Variants in SPHKAP observed in about 807,000 individuals in gnomAD.
The protein encoded by SPHKAP is SPHK1 interactor, AKAP domain containing.
A neutral mutation model predicts 137.5 loss-of-function variants in SPHKAP; 67 were observed. The ratio of observed to expected loss-of-function variants is 0.49; its 90% CI spans 0.40 to 0.60. The LOEUF (loss-of-function observed/expected upper bound fraction) is 0.60, where lower values mean the gene tolerates loss of function less well. Ranked by LOEUF, SPHKAP falls within the 20% of genes least tolerant of loss-of-function variation. SPHKAP has a pLI of 0.00. For synonymous variants in SPHKAP, 813 were observed against 785.3 expected (o/e 1.04, Z -0.59); for missense variants, 2,097 against 2,069.3 (o/e 1.01, Z -0.26).
intron 3 of SPHKAP, among the ~76,000 whole-genome samples, chr2:228,072,314 C>A (rs113865081): frequency 9.8e-4 from 149 of 152,226 alleles, no homozygotes; most frequent in Middle Eastern, 6.8e-3. Flanking sequence ...CTATAATTGT[C>A]TACTATAAGT....
chr2:228,092,593 T>G (rs1367569982), intron 3 of SPHKAP, among the ~76,000 whole-genome samples: 1 of 145,546 alleles, frequency 6.9e-6, no homozygotes, highest in Non-Finnish European at 1.5e-5. Flanking sequence ...TATGTGTATA[T>G]ATGTATATAC....
intron 3 of SPHKAP, among the ~76,000 whole-genome samples, chr2:228,103,665 C>T (rs1314636107): frequency 2.6e-5 from 4 of 152,158 alleles, no homozygotes; most frequent in East Asian, 1.9e-4. Flanking sequence ...CAGCCGAATA[C>T]AGGACCTTTA....
chr2:228,047,698 A>G lies in SPHKAP; in HGVS notation c.247-20155T>C, dbSNP rs552707938. Reference sequence around the variant, plus strand: ...GCAGAGCTAGGTGTGGTATGCAGTGATGAGATGAACGAGATGGTCATGGTT... The same window carrying G: ...GCAGAGCTAGGTGTGGTATGCAGTGGTGAGATGAACGAGATGGTCATGGTT... On this transcript the variant is annotated intron_variant, in intron 3 of 11. Transcript: ENST00000392056. 1.5e-3 allele frequency among the ~76,000 whole-genome samples: 222 copies of G among 152,316 alleles called. 1 individual carries two copies. Among genetic ancestry groups the G allele is most frequent in the South Asian group, 3.9e-3 (19 of 4,832 alleles).
intron 5 of SPHKAP, among the ~76,000 whole-genome samples, chr2:228,023,004 G>A (rs1694897821): frequency 6.6e-6 from 1 of 152,166 alleles, no homozygotes; most frequent in Non-Finnish European, 1.5e-5. Flanking sequence ...ACCAGCGTAT[G>A]GGAAAAACAG....
chr2:228,122,849 C>T (rs1396774959), intron 2 of SPHKAP, among the ~76,000 whole-genome samples: 1 of 152,166 alleles, frequency 6.6e-6, no homozygotes, highest in Non-Finnish European at 1.5e-5. Context: ...GTGGCTGGCT[C>T]TGTAGATGCA....
At chr2:228,060,586 AACAAGGG>A in intron 3 of SPHKAP, among the ~76,000 whole-genome samples, 1 of 152,222 alleles carries the variant, frequency 6.6e-6, no homozygotes, top group Non-Finnish European at 1.5e-5. Flanking sequence ...TCTGTAGCCA[AACAAGGG>A]TGTTTTTCTT....
intron 3 of SPHKAP, among the ~76,000 whole-genome samples, chr2:228,095,797 A>C (rs1267066225): frequency 6.6e-6 from 1 of 152,234 alleles, no homozygotes; most frequent in Non-Finnish European, 1.5e-5. Context: ...ATATGCAAGA[A>C]TATAAGAGTG....
At chr2:228,004,232 T>A (rs1574732345) in intron 7 of SPHKAP, among the ~76,000 whole-genome samples, 1 of 152,332 alleles carries the variant, frequency 6.6e-6, no homozygotes, top group East Asian at 1.9e-4. Context: ...ATTGCCTCAA[T>A]TTCAGAGCCT....
intron 3 of SPHKAP, among the ~76,000 whole-genome samples, chr2:228,028,921 A>C (rs1695173264): frequency 6.6e-6 from 1 of 150,460 alleles, no homozygotes; most frequent in Admixed American, 6.7e-5. Flanking sequence ...TAAAGTTTTC[A>C]AAGAGGTTAG....
intron 3 of SPHKAP, among the ~76,000 whole-genome samples, chr2:228,052,494 G>A (rs972160329): frequency 6.6e-6 from 1 of 152,116 alleles, no homozygotes; most frequent in Middle Eastern, 3.2e-3. Flanking sequence ...ATATAACACT[G>A]TTCAATAGCA....
chr2:228,109,058 G>T, intron 2 of SPHKAP, 119 bp from the exon 3 acceptor site: 1 of 641,662 alleles, frequency 1.6e-6, no homozygotes, highest in Non-Finnish European at 2.4e-6. Context: ...TTTCCTCAGA[G>T]CTTCTGGGTG....
At chr2:228,001,689 A>G (rs1693907867) in intron 7 of SPHKAP, among the ~76,000 whole-genome samples, 2 of 151,740 alleles carry the variant, frequency 1.3e-5, no homozygotes, top group Non-Finnish European at 2.9e-5. Context: ...CATTTACATT[A>G]GGTATATCTC....
intron 1 of SPHKAP, among the ~76,000 whole-genome samples, chr2:228,158,374 A>G (rs904255927): frequency 7.1e-6 from 1 of 141,420 alleles, no homozygotes; most frequent in Non-Finnish European, 1.5e-5. Context: ...ACCCCTTACA[A>G]TAGTGCCAAG....
chr2:228,104,476 T>C (rs1698280258), intron 3 of SPHKAP, among the ~76,000 whole-genome samples: 1 of 150,814 alleles, frequency 6.6e-6, no homozygotes. Context: ...GAACAACTTA[T>C]CAACTGTGGT....
chr2:228,009,526 C>G (rs967861841), intron 7 of SPHKAP, among the ~76,000 whole-genome samples: 1 of 152,068 alleles, frequency 6.6e-6, no homozygotes, highest in Non-Finnish European at 1.5e-5. Context: ...TTCATCTTCT[C>G]TGTAATTTCT....
chr2:228,134,141 A>AG (rs1301716278), intron 1 of SPHKAP, among the ~76,000 whole-genome samples: 2 of 10,252 alleles, frequency 2.0e-4, no homozygotes, highest in Admixed American at 1.2e-3. Flanking sequence ...AAAGAGAAAG[A>AG]GAAAGAAAGA....
At chr2:228,165,271 A>G (rs1269431177) in intron 1 of SPHKAP, among the ~76,000 whole-genome samples, 1 of 152,054 alleles carries the variant, frequency 6.6e-6, no homozygotes, top group Non-Finnish European at 1.5e-5. Flanking sequence ...TGGTCACTTC[A>G]AACACTGTTA....
intron 2 of SPHKAP, among the ~76,000 whole-genome samples, chr2:228,109,995 C>T (rs1220531803): frequency 7.2e-6 from 1 of 139,320 alleles, no homozygotes; most frequent in African/African-American, 2.6e-5. Flanking sequence ...TATTGTATCA[C>T]ATTTTCTTCA....
intron 3 of SPHKAP, among the ~76,000 whole-genome samples, chr2:228,038,497 G>T (rs899640715): frequency 5.3e-5 from 8 of 152,314 alleles, no homozygotes; most frequent in Admixed American, 2.0e-4. Context: ...GCTGCATGCT[G>T]GAGCCACCAG....
Sources: gnomAD v4.1 joint callset for allele counts (sites outside exome capture counted in the v4.1 genomes callset) on GRCh38, gnomAD v4.1.1 for gene constraint, MANE v1.5 for transcripts, NCBI Gene and HGNC (gene_info 2026-07-23, HGNC 2026-07-21) for gene names.